Variants in DNAJC1 observed in about 807,000 individuals in gnomAD.
DNAJC1 encodes DnaJ heat shock protein family (Hsp40) member C1.
DNAJC1 carries 58 observed loss-of-function variants against 76.6 expected under a neutral mutation model. That is an observed-to-expected ratio of 0.76 (90% CI 0.61 to 0.94). The LOEUF (loss-of-function observed/expected upper bound fraction) is 0.94. DNAJC1 is among the 40% of genes least tolerant of loss of function. The probability of loss-of-function intolerance (pLI) is 0.00; values close to 1 mark genes in which losing one functional copy is unlikely to be tolerated. For missense variants in DNAJC1, 689 were observed against 677.3 expected (o/e 1.02, Z -0.19); for synonymous variants, 258 against 267.9 (o/e 0.96, Z 0.36).
chr10:21,985,658 T>C (rs1038294254), intron 1 of DNAJC1, among the ~76,000 whole-genome samples: 4 of 152,246 alleles, frequency 2.6e-5, no homozygotes, highest in African/African-American at 7.2e-5. Context: ...CATAATGTTC[T>C]TGGAATTCAT....
intron 7 of DNAJC1, among the ~76,000 whole-genome samples, chr10:21,897,974 A>G (rs1394395152): frequency 6.6e-6 from 1 of 152,242 alleles, no homozygotes; most frequent in Admixed American, 6.5e-5. Context: ...AGAAAATCCA[A>G]GGAATCTACA....
intron 9 of DNAJC1, among the ~76,000 whole-genome samples, chr10:21,794,051 G>A (rs758766687): frequency 1.3e-5 from 2 of 152,174 alleles, no homozygotes; most frequent in Non-Finnish European, 2.9e-5. Context: ...GAGGCGGGAG[G>A]ATCGCTTGAG....
chr10:21,875,028 G>A (rs926349365), intron 8 of DNAJC1, among the ~76,000 whole-genome samples: 3 of 151,892 alleles, frequency 2.0e-5, no homozygotes, highest in Non-Finnish European at 4.4e-5. Flanking sequence ...TTACAGGCAC[G>A]TACCACCACA....
At chr10:21,816,106 A>G (rs11012794) in intron 8 of DNAJC1, among the ~76,000 whole-genome samples, 116,888 of 151,020 alleles carry the variant, frequency 0.77, 46,153 homozygotes, top group East Asian at 0.99. Context: ...CTAGATGGGC[A>G]CCTGTAATCC....
chr10:21,860,693 CAAA>C (rs1835905728), intron 8 of DNAJC1: 2 of 100,318 alleles, frequency 2.0e-5, no homozygotes, highest in Non-Finnish European at 3.6e-5. Context: ...GACTCTGTCT[CAAA>C]ACAAACAAAC....
intron 1 of DNAJC1, among the ~76,000 whole-genome samples, chr10:21,972,075 G>A (rs115565735): frequency 6.6e-6 from 1 of 151,746 alleles, no homozygotes; most frequent in African/African-American, 2.4e-5. Context: ...CCTAGTCTTT[G>A]TTTTGCTTTC....
intron 9 of DNAJC1, among the ~76,000 whole-genome samples, chr10:21,805,778 C>T (rs45629232): frequency 1.8e-4 from 28 of 152,282 alleles, no homozygotes; most frequent in Admixed American, 3.3e-4. Flanking sequence ...ACTAGAATTC[C>T]TCACACAGCT....
chr10:21,960,294 C>T (rs1837766577), intron 1 of DNAJC1, among the ~76,000 whole-genome samples: 1 of 151,962 alleles, frequency 6.6e-6, no homozygotes, highest in African/African-American at 2.4e-5. Context: ...AAGAAAATAA[C>T]AGGAAAGAAC....
intron 8 of DNAJC1, among the ~76,000 whole-genome samples, chr10:21,840,024 A>C (rs907674648): frequency 6.6e-6 from 1 of 152,248 alleles, no homozygotes; most frequent in Non-Finnish European, 1.5e-5. Context: ...CAATAGATGC[A>C]GAAAAGGCCT....
At chr10:21,827,933 T>G (rs1835289433) in intron 8 of DNAJC1, among the ~76,000 whole-genome samples, 1 of 152,216 alleles carries the variant, frequency 6.6e-6, no homozygotes, top group African/African-American at 2.4e-5. Context: ...CTTATATGTG[T>G]GTTTCTCTAG....
At chr10:21,768,334 A>C (rs1039143318) in intron 9 of DNAJC1, among the ~76,000 whole-genome samples, 5 of 152,244 alleles carry the variant, frequency 3.3e-5, no homozygotes, top group African/African-American at 1.2e-4. Context: ...ATTTGAAAGT[A>C]AAATGTCAGA....
chr10:21,984,105 T>C (rs1403936555), intron 1 of DNAJC1, among the ~76,000 whole-genome samples: 1 of 152,098 alleles, frequency 6.6e-6, no homozygotes, highest in Non-Finnish European at 1.5e-5. Flanking sequence ...GACAAAAATA[T>C]CAAAAGTGGT....
rs1838027851 is a variant in DNAJC1, at chr10:21,974,201, AG to A, written c.222+29011del. Among the ~76,000 whole-genome samples the A allele has an allele frequency of 4.6e-5, 7 of 152,188 alleles. No individual in the cohort carries two copies. The South Asian group carries it at 1.4e-3, about 32-fold the overall frequency. ...CTTAACACTTTTCTTTTCAGTAATGAGGAAGTTAGGCTCAACCTAACCAGTT... is the reference window on the plus strand; with the variant it reads ...CTTAACACTTTTCTTTTCAGTAATGAGAAGTTAGGCTCAACCTAACCAGTT... On this transcript the variant is annotated intron_variant, in intron 1 of 11. Coordinates refer to ENST00000376980, the MANE Select transcript of DNAJC1 (RefSeq NM_022365.4).
intron 1 of DNAJC1, among the ~76,000 whole-genome samples, chr10:21,942,633 C>T (rs761903397): frequency 6.6e-6 from 1 of 151,530 alleles, no homozygotes; most frequent in Non-Finnish European, 1.5e-5. Context: ...AGTGAAACGC[C>T]GTCTCTACTA....
chr10:21,836,971 G>C (rs921478122), intron 8 of DNAJC1, among the ~76,000 whole-genome samples: 1 of 152,206 alleles, frequency 6.6e-6, no homozygotes, highest in African/African-American at 2.4e-5. Context: ...GCCGAAGCTA[G>C]ACTGTACTGC....
At chr10:21,800,813 A>G (rs1834804953) in intron 9 of DNAJC1, among the ~76,000 whole-genome samples, 1 of 152,232 alleles carries the variant, frequency 6.6e-6, no homozygotes, top group African/African-American at 2.4e-5. Flanking sequence ...ATTATGGTTG[A>G]TTAGAAAAAA....
rs534243830 is a variant in DNAJC1, at chr10:21,804,629, T to G, written c.1098+1351A>C. On this transcript the variant is annotated intron_variant, in intron 9 of 11. Transcript: ENST00000376980. ...ATCCTTATGGTTCTTTTCTAGTAAC[T>G]CAAGATAACTAGTCTACTCATGAAA... is the stretch of plus-strand genomic sequence containing the variant. Among the ~76,000 whole-genome samples the G allele has an allele frequency of 2.4e-3, 341 of 141,522 alleles. 3 individuals are homozygous for G. The highest frequency in any genetic ancestry group is 8.6e-3 in the African/African-American group (325 of 37,986). 92.8% of individuals were successfully genotyped at this position (141,522 alleles called of 152,430 possible).
intron 1 of DNAJC1, among the ~76,000 whole-genome samples, chr10:21,967,658 T>G (rs1837914492): frequency 6.6e-6 from 1 of 152,228 alleles, no homozygotes; most frequent in South Asian, 2.1e-4. Context: ...GGCTTAAATA[T>G]GATAGAAAAT....
chr10:21,904,836 T>A (rs1836716587), intron 6 of DNAJC1, among the ~76,000 whole-genome samples: 1 of 152,190 alleles, frequency 6.6e-6, no homozygotes. Flanking sequence ...AAACTATTTT[T>A]TCTCTCAGAT....
Sources: allele counts gnomAD v4.1 joint callset (sites outside exome capture counted in the v4.1 genomes callset), GRCh38; gene constraint gnomAD v4.1.1; transcripts MANE v1.5; gene names NCBI Gene and HGNC (gene_info 2026-07-23, HGNC 2026-07-21).